Variants in CPNE3 observed in about 807,000 individuals in gnomAD.
CPNE3 encodes the protein copine-3.
CPNE3 carries 68 observed loss-of-function variants against 63.9 expected under a neutral mutation model. The ratio of observed to expected loss-of-function variants is 1.06; its 90% CI spans 0.87 to 1.30. The LOEUF (loss-of-function observed/expected upper bound fraction) is 1.30, where lower values mean the gene tolerates loss of function less well. CPNE3 is among the 50% of genes most tolerant of loss of function. The pLI is 0.00. For synonymous variants in CPNE3, 219 were observed against 197.5 expected, an observed-to-expected ratio of 1.11 and a Z score of -0.91; for missense variants, 665 against 578.1, an observed-to-expected ratio of 1.15 and a Z score of -1.54.
At position 86,558,388 on chromosome 8, in the gene CPNE3, C is replaced by T; in HGVS notation, c.1592C>T (p.Ala531Val). Residue 531 changes from alanine to valine, a missense_variant, in exon 17 of 17, where the codon GCC (alanine) becomes GTC (valine). Transcript: ENST00000517490. ...AAACTCCTTCCTCCCAAGAACCCAG[C>T]CACGAAACAACAGAAGCAGTGACCA... is the stretch of plus-strand genomic sequence containing the variant. ...TYKLLPPKNP[A>V]TKQQKQ 2 of 872,936 alleles carry T rather than the reference C, an allele frequency of 2.3e-6. No homozygotes were observed. The highest frequency in any genetic ancestry group is 4.0e-6 in the Non-Finnish European group (2 of 501,670). 54.1% of individuals were successfully genotyped at this position (872,936 alleles called of 1,614,324 possible).
intron 2 of CPNE3, among the ~76,000 whole-genome samples, chr8:86,519,331 G>A (rs577744962): frequency 9.9e-5 from 15 of 152,138 alleles, no homozygotes; most frequent in South Asian, 2.1e-4. Flanking sequence ...ATAAAGAGAA[G>A]GTAAAACTGC....
At position 86,558,664 on chromosome 8, in the gene CPNE3, AGTGTGGG is replaced by A; in HGVS notation, c.*256_*262del. On this transcript the variant is annotated 3_prime_UTR_variant, in exon 17 of 17. Transcript: ENST00000517490. ...AGTAAAGCTCTTTGGATTAGAAATT[AGTGTGGG>A]GAAAGCTTATTCTGTTGTTGTTTTT... The A allele has an allele frequency of 2.6e-6, 1 of 381,380 alleles. No homozygotes were observed. The highest frequency in any genetic ancestry group is 4.0e-5 in the South Asian group (1 of 25,306). 23.6% of individuals were successfully genotyped at this position (381,380 alleles called of 1,614,324 possible). A position where few individuals can be genotyped will look rare whatever the true frequency, so the allele number is the denominator to read the frequency against.
intron 14 of CPNE3, chr8:86,554,036 C>G (rs1414224783): frequency 1.3e-5 from 2 of 152,172 alleles, no homozygotes; most frequent in Non-Finnish European, 2.9e-5. Context: ...GGCTGGAGTT[C>G]TCTCCATGTT....
At chr8:86,548,648 G>T (rs1427011224) in intron 12 of CPNE3, among the ~76,000 whole-genome samples, 1 of 151,918 alleles carries the variant, frequency 6.6e-6, no homozygotes. Context: ...ATCATATATG[G>T]CATGTACTTT....
intron 6 of CPNE3, among the ~76,000 whole-genome samples, chr8:86,533,472 A>G (rs1820729880): frequency 6.6e-6 from 1 of 152,166 alleles, no homozygotes; most frequent in Non-Finnish European, 1.5e-5. Context: ...TCAAAACTAC[A>G]GTGAGCAGTG....
chr8:86,533,358 C>T (rs1453494196), intron 6 of CPNE3, among the ~76,000 whole-genome samples: 5 of 152,058 alleles, frequency 3.3e-5, no homozygotes. Flanking sequence ...GCCTGGGCAA[C>T]ATGGCGAAAC....
At chr8:86,543,818 A>G (rs967111394) in intron 8 of CPNE3, among the ~76,000 whole-genome samples, 24 of 152,168 alleles carry the variant, frequency 1.6e-4, no homozygotes, top group African/African-American at 5.8e-4. Flanking sequence ...TTGAGATAAA[A>G]TACTATAAAA....
intron 4 of CPNE3, among the ~76,000 whole-genome samples, chr8:86,530,795 G>C (rs1276825521): frequency 6.6e-6 from 1 of 150,762 alleles, no homozygotes; most frequent in East Asian, 2.0e-4. Context: ...GAATTCAAGT[G>C]ATTCTCCTGC....
chr8:86,547,884 T>C (rs1821089692), intron 11 of CPNE3, 114 bp downstream of exon 11: 1 of 649,412 alleles, frequency 1.5e-6, no homozygotes, highest in Non-Finnish European at 2.7e-6. Context: ...TTTAGCATAG[T>C]CCTCTTAGAG....
At chr8:86,551,310 G>A in intron 14 of CPNE3, 76 bp downstream of exon 14, 1 of 1,054,152 alleles carries the variant, frequency 9.5e-7, no homozygotes. Flanking sequence ...TTTGTTCTTT[G>A]TTTTTTTTCT....
Position 86,556,156 on chromosome 8 carries a change from A to G in CPNE3, c.1309A>G (p.Thr437Ala), listed in dbSNP as rs1205858828. Residue 437 changes from threonine (T) to alanine (A), a missense_variant, in exon 16 of 17, where the codon ACC (threonine) becomes GCC (alanine). Thr to Ala is a moderately conservative substitution (Grantham distance 58). Coordinates refer to ENST00000517490, the MANE Select transcript of CPNE3 (RefSeq NM_003909.5). ...TDGVITDLDE[T>A]RQAIVNASRL... is the part of the protein sequence containing the mutation. ...TGGTGTGATCACAGACCTTGATGAA[A>G]CCAGACAAGCTATAGTTAATGCCTC... The G allele has an allele frequency of 3.9e-5, 34 of 872,884 alleles. 1 individual carries two copies. The Admixed American group carries it at 5.2e-4, about 13-fold the overall frequency. 54.1% of individuals were successfully genotyped at this position (872,884 alleles called of 1,614,324 possible).
intron 8 of CPNE3, among the ~76,000 whole-genome samples, chr8:86,542,718 A>G (rs1483393987): frequency 6.6e-6 from 1 of 152,106 alleles, no homozygotes; most frequent in African/African-American, 2.4e-5. Flanking sequence ...AAATTAAATG[A>G]CACGAATTGT....
intron 16 of CPNE3, 122 bp downstream of exon 16, chr8:86,556,460 C>A: frequency 1.4e-6 from 1 of 719,818 alleles, no homozygotes; most frequent in East Asian, 2.5e-5. Flanking sequence ...TTCCTTTGTC[C>A]ATTTGAGAGC....
intron 12 of CPNE3, among the ~76,000 whole-genome samples, chr8:86,548,930 T>C (rs1162272234): frequency 6.6e-6 from 1 of 152,208 alleles, no homozygotes; most frequent in African/African-American, 2.4e-5. Flanking sequence ...GTTGCCAAAT[T>C]ATTTTTTTAA....
intron 14 of CPNE3, chr8:86,553,931 G>A (rs10105099): frequency 0.84 from 127,640 of 151,802 alleles, 54,408 homozygotes; most frequent in African/African-American, 0.93. Flanking sequence ...ATGTCAGTCA[G>A]CTTTCACTGG....
In CPNE3 at chr8:86,548,420, T is replaced by C; in HGVS notation, c.999T>C (p.Ile333=). 1 of 1,614,094 alleles carries C rather than the reference T, an allele frequency of 6.2e-7. No homozygotes were observed. The highest frequency in any genetic ancestry group is 8.5e-7 in the Non-Finnish European group (1 of 1,179,998). Residue 333 remains isoleucine (I), a synonymous_variant, in exon 12 of 17, where the codon ATT becomes ATC. Transcript: ENST00000517490. ...CTCTCTGGTCTGTGGGACTGGTCAT[T>C]CAAGATTATGATGCGTGAGTATGAC... The part of the protein sequence containing the change: ...LTALWSVGLV[I]QDYDADKMFP...
chr8:86,557,755 T>TACAC (rs545682862), intron 16 of CPNE3, among the ~76,000 whole-genome samples: 73 of 149,016 alleles, frequency 4.9e-4, no homozygotes, highest in African/African-American at 1.7e-3. Context: ...CACACACACA[T>TACAC]ACACACACAC....
chr8:86,540,755 G>T (rs1031909478), intron 8 of CPNE3, among the ~76,000 whole-genome samples: 9 of 152,090 alleles, frequency 5.9e-5, no homozygotes, highest in Admixed American at 5.9e-4. Context: ...AGCAAGGGAG[G>T]GCAGTATTGA....
intron 2 of CPNE3, among the ~76,000 whole-genome samples, chr8:86,526,047 A>T (rs1820534397): frequency 6.6e-6 from 1 of 152,178 alleles, no homozygotes; most frequent in African/African-American, 2.4e-5. Flanking sequence ...GAAGTTACTT[A>T]TACGTGGTCA....
Sources: allele counts gnomAD v4.1 joint callset (sites outside exome capture counted in the v4.1 genomes callset), GRCh38; gene constraint gnomAD v4.1.1; transcripts MANE v1.5; gene names NCBI Gene and HGNC (gene_info 2026-07-23, HGNC 2026-07-21).